The following ANK3 variants were observed in gnomAD, a reference collection of about 807,000 sequenced individuals.
ANK3 encodes ankyrin-3.
In ANK3, 57 loss-of-function variants were observed where a neutral mutation model predicts 370.9. That is an observed-to-expected ratio of 0.15 (90% CI 0.12 to 0.19). The LOEUF is 0.19. Ranked by LOEUF, ANK3 falls within the 10% of genes least tolerant of loss-of-function variation. ANK3 has a pLI of 1.00. For synonymous variants in ANK3, 1,929 were observed against 1,946.3 expected, an observed-to-expected ratio of 0.99 and a Z score of 0.23; for missense variants, 4,439 against 5,302.1, an observed-to-expected ratio of 0.84 and a Z score of 5.06.
At chr10:60,489,888 G>A (rs1214636848) in intron 2 of ANK3, among the ~76,000 whole-genome samples, 1 of 152,192 alleles carries the variant, frequency 6.6e-6, no homozygotes, top group African/African-American at 2.4e-5. Flanking sequence ...ATGCTCATAT[G>A]TACTGAACAG....
At chr10:60,439,919 C>T (rs1043483349) in intron 2 of ANK3, among the ~76,000 whole-genome samples, 2 of 152,140 alleles carry the variant, frequency 1.3e-5, no homozygotes, top group African/African-American at 4.8e-5. Context: ...AAAACCTAAA[C>T]CAAGTGTAGC....
At chr10:60,207,924 A>G (rs2096790366) in intron 10 of ANK3, 112 bp downstream of exon 10, 2 of 944,230 alleles carry the variant, frequency 2.1e-6, no homozygotes, top group Admixed American at 2.1e-5. Flanking sequence ...CAAGAAGTAC[A>G]CTTTAACTAG....
chr10:60,532,973 G>T (rs2076642542), intron 2 of ANK3, among the ~76,000 whole-genome samples: 1 of 152,020 alleles, frequency 6.6e-6, no homozygotes, highest in African/African-American at 2.4e-5. Context: ...GCTGCAAACA[G>T]TTCTTCTCAG....
At chr10:60,661,479 C>T (rs888715451) in intron 1 of ANK3, among the ~76,000 whole-genome samples, 1 of 152,060 alleles carries the variant, frequency 6.6e-6, no homozygotes, top group African/African-American at 2.4e-5. Flanking sequence ...ATCATTTGCC[C>T]TTCTAGTTTC....
chr10:60,028,361 AC>A lies in ANK3; in HGVS notation c.*1484del, dbSNP rs2131822735. On this transcript the variant is annotated 3_prime_UTR_variant, in exon 44 of 44. Coordinates refer to ENST00000280772, the MANE Select transcript of ANK3 (RefSeq NM_020987.5). ...TCATATGACAAGGGATTAGACAACT[AC>A]CTTTTGCCAGAAAACACAAGGAGAC... 6.5e-6 allele frequency: 1 copy of A among 152,744 alleles called. No individual in the cohort carries two copies. The highest frequency in any genetic ancestry group is 2.4e-5 in the African/African-American group (1 of 41,568). The allele number at this position is 152,744 out of a possible 1,614,324, so 9.5% of individuals were successfully genotyped here.
At chr10:60,338,033 G>A (rs1431038390) in intron 1 of ANK3, among the ~76,000 whole-genome samples, 1 of 152,144 alleles carries the variant, frequency 6.6e-6, no homozygotes, top group Non-Finnish European at 1.5e-5. Context: ...TGAGGAAGAA[G>A]CTGGATGCCT....
intron 2 of ANK3, among the ~76,000 whole-genome samples, chr10:60,600,462 G>A (rs2078045555): frequency 6.6e-6 from 1 of 152,110 alleles, no homozygotes; most frequent in South Asian, 2.1e-4. Flanking sequence ...TAGTCATTAT[G>A]ACCAAGTAAT....
intron 43 of ANK3, among the ~76,000 whole-genome samples, chr10:60,035,079 CAG>C (rs1476733092): frequency 6.6e-6 from 1 of 151,958 alleles, no homozygotes; most frequent in Non-Finnish European, 1.5e-5. Flanking sequence ...AAAAACCTAA[CAG>C]TAATAAAATT....
At chr10:60,347,524 C>G (rs565612689) in intron 1 of ANK3, among the ~76,000 whole-genome samples, 2 of 152,148 alleles carry the variant, frequency 1.3e-5, no homozygotes, top group South Asian at 4.2e-4. Context: ...CTCTGAATCT[C>G]TGTTTCCTCA....
intron 2 of ANK3, among the ~76,000 whole-genome samples, chr10:60,488,797 T>C (rs1178980455): frequency 1.3e-5 from 2 of 152,244 alleles, no homozygotes; most frequent in African/African-American, 2.4e-5. Context: ...ATCAAATGTT[T>C]AGAAAAGATG....
At chr10:60,670,948 G>A (rs1003281194) in intron 1 of ANK3, among the ~76,000 whole-genome samples, 2 of 152,150 alleles carry the variant, frequency 1.3e-5, no homozygotes, top group Non-Finnish European at 2.9e-5. Context: ...TGAAGGTGTA[G>A]CAGCCATATG....
At chr10:60,165,007 A>T (rs925562795) in intron 23 of ANK3, among the ~76,000 whole-genome samples, 1 of 152,228 alleles carries the variant, frequency 6.6e-6, no homozygotes, top group Admixed American at 6.5e-5. Context: ...AGGTCAATTA[A>T]ATTCAAATTT....
At chr10:60,442,502 A>G (rs2064325569) in intron 2 of ANK3, among the ~76,000 whole-genome samples, 1 of 152,098 alleles carries the variant, frequency 6.6e-6, no homozygotes, top group South Asian at 2.1e-4. Context: ...TTTACTTTTT[A>G]TTATTGCACT....
chr10:60,709,472 A>G (rs1369989791), intron 1 of ANK3, among the ~76,000 whole-genome samples: 2 of 152,128 alleles, frequency 1.3e-5, no homozygotes, highest in Non-Finnish European at 2.9e-5. Flanking sequence ...AAGCCTTACC[A>G]ATAACATAAA....
At chr10:60,693,921 G>C (rs948736124) in intron 1 of ANK3, among the ~76,000 whole-genome samples, 2 of 152,144 alleles carry the variant, frequency 1.3e-5, no homozygotes, top group Admixed American at 1.3e-4. Context: ...CGAGCTGAGA[G>C]AAGAAGGCTT....
chr10:60,195,388 C>CA (rs1320105561), intron 16 of ANK3, among the ~76,000 whole-genome samples: 9,579 of 71,506 alleles, frequency 0.13, 427 homozygotes, highest in Admixed American at 0.2. Context: ...CGTCTCCCTC[C>CA]AAAAAAAAAA....
Position 60,173,039 on chromosome 10 carries a change from G to C in ANK3, c.2284-41C>G, listed in dbSNP as rs762835174. 8 of 1,608,688 alleles carry C rather than the reference G, an allele frequency of 5.0e-6. No individual in the cohort carries two copies. In the East Asian group the frequency reaches 1.8e-4, roughly 36 times the overall value. ...GGAAGAGATGATTCTTAATTCCTTT[G>C]AAGCAAAAATAAATGATTCTGGCAG... On this transcript the variant is annotated intron_variant, in intron 19 of 43. Coordinates refer to ENST00000280772, the MANE Select transcript of ANK3 (RefSeq NM_020987.5).
In ANK3 at chr10:60,514,253, T is replaced by C. The variant is rs1438893450; in HGVS notation, c.96+100933A>G. On this transcript the variant is annotated intron_variant, in intron 2 of 43. Coordinates refer to the ANK3 transcript ENST00000373827. The stretch of plus-strand genomic sequence containing the variant: ...AAGTCAAATTATACACAAGAGTTTT[T>C]ACTGTGCAGGGGGTCAGTGCCCCGG... Among the ~76,000 whole-genome samples, 4 of 152,270 alleles carry C rather than the reference T, an allele frequency of 2.6e-5. No homozygotes were observed. In the East Asian group the frequency reaches 7.7e-4, roughly 29 times the overall value.
chr10:60,114,231 T>C lies in ANK3; in HGVS notation c.2942A>G (p.His981Arg), dbSNP rs769098584. The change falls in exon 26 of 44, where the codon CAT (histidine) becomes CGT (arginine). Residue 981 changes from histidine to arginine, a missense_variant. Transcript: ENST00000280772. ...TGACATTTAGGTTACTTACCCAGAA[T>C]GAATGGGGCTTGAAACAAGATTGAC... ...DNVNLVSSPI[H>R]SGFLVSFMVD... The C allele has an allele frequency of 6.3e-7, 1 of 1,597,606 alleles. No individual in the cohort carries two copies. The highest frequency in any genetic ancestry group is 8.5e-7 in the Non-Finnish European group (1 of 1,170,066).
Sources: gnomAD v4.1 joint callset for allele counts (sites outside exome capture counted in the v4.1 genomes callset) on GRCh38, gnomAD v4.1.1 for gene constraint, MANE v1.5 for transcripts, NCBI Gene and HGNC (gene_info 2026-07-23, HGNC 2026-07-21) for gene names.